STPG2: variants seen among roughly 807,000 people sequenced by gnomAD.
The protein encoded by STPG2 is sperm tail PG-rich repeat containing 2.
In STPG2, 56 loss-of-function variants were observed where a neutral mutation model predicts 54.2. That is an observed-to-expected ratio of 1.03 (90% CI 0.83 to 1.29). STPG2 has a LOEUF of 1.29. Among genes scored for constraint, STPG2 ranks in the 50% most tolerant of loss-of-function variants. The pLI, the probability that STPG2 is intolerant of heterozygous loss-of-function variation, is 0.00. For synonymous variants in STPG2, 200 were observed against 181.8 expected (o/e 1.10, Z -0.81); for missense variants, 596 against 544.9 (o/e 1.09, Z -0.93).
At chr4:97,688,383 T>C (rs533266402) in intron 10 of STPG2, among the ~76,000 whole-genome samples, 2 of 152,302 alleles carry the variant, frequency 1.3e-5, no homozygotes, top group African/African-American at 2.4e-5. Flanking sequence ...TTGTTTTGTT[T>C]TGAGACAGAG....
intron 5 of STPG2, among the ~76,000 whole-genome samples, chr4:97,993,889 G>T (rs1208240154): frequency 6.6e-6 from 1 of 152,068 alleles, no homozygotes; most frequent in Non-Finnish European, 1.5e-5. Flanking sequence ...GTTCAAAATA[G>T]CCTTGAATGA....
At chr4:98,072,623 C>CAA (rs1560666465) in intron 5 of STPG2, among the ~76,000 whole-genome samples, 2 of 147,842 alleles carry the variant, frequency 1.4e-5, no homozygotes, top group African/African-American at 5.2e-5. Flanking sequence ...TAAAACAAAA[C>CAA]AAGAGTCCAC....
At chr4:97,910,262 C>A (rs1292448596) in intron 8 of STPG2, among the ~76,000 whole-genome samples, 1 of 152,184 alleles carries the variant, frequency 6.6e-6, no homozygotes, top group Admixed American at 6.5e-5. Flanking sequence ...TAAATAACAG[C>A]AAAAGGCAGC....
intron 7 of STPG2, among the ~76,000 whole-genome samples, chr4:97,951,878 T>C (rs1173985641): frequency 6.6e-6 from 1 of 152,100 alleles, no homozygotes; most frequent in African/African-American, 2.4e-5. Flanking sequence ...ATGCAATATG[T>C]AATGGTAGGC....
In STPG2 at chr4:97,545,462, G is replaced by A. The variant is rs532573368; in HGVS notation, c.462+167237C>T. Reference sequence around the variant, plus strand: ...CATATGAATAAAAATGTTAAGCAATGAGATTGCAAAAAGATTAGCTCAGGT... The same window carrying A: ...CATATGAATAAAAATGTTAAGCAATAAGATTGCAAAAAGATTAGCTCAGGT... On this transcript the variant is annotated intron_variant, in intron 4 of 4. Transcript: ENST00000522676. Among the ~76,000 whole-genome samples the A allele has an allele frequency of 5.8e-4, 88 of 152,186 alleles. 1 individual carries two copies. Among genetic ancestry groups the A allele is most frequent in the Middle Eastern group, 3.4e-3 (1 of 294 alleles).
intron 9 of STPG2, among the ~76,000 whole-genome samples, chr4:97,835,790 A>T (rs115320730): frequency 6.9e-4 from 105 of 152,240 alleles, no homozygotes; most frequent in Non-Finnish European, 1.3e-3. Flanking sequence ...CAAAAGATGA[A>T]CACAAACAGA....
intron 9 of STPG2, among the ~76,000 whole-genome samples, chr4:97,726,641 G>A (rs1029626864): frequency 2.0e-5 from 3 of 151,894 alleles, no homozygotes; most frequent in African/African-American, 7.2e-5. Flanking sequence ...TGGTGCCACA[G>A]AAAGAAAATT....
At chr4:97,645,876 T>C (rs1721898656) in intron 10 of STPG2, among the ~76,000 whole-genome samples, 1 of 152,152 alleles carries the variant, frequency 6.6e-6, no homozygotes, top group Admixed American at 6.6e-5. Context: ...TTTTCTCACC[T>C]ATATTTAACT....
intron 5 of STPG2, among the ~76,000 whole-genome samples, chr4:98,085,520 A>T (rs758352206): frequency 6.6e-6 from 1 of 152,104 alleles, no homozygotes; most frequent in Non-Finnish European, 1.5e-5. Context: ...CAATCCATAA[A>T]CATATGGCAT....
At chr4:97,840,733 A>AT in intron 9 of STPG2, 40 bp downstream of exon 9, 2 of 1,565,332 alleles carry the variant, frequency 1.3e-6, no homozygotes, top group Non-Finnish European at 1.7e-6. Context: ...AAACCTTAGA[A>AT]TTTTTTTCCT....
chr4:97,587,892 A>AG lies in STPG2; in HGVS notation c.1321-28776dup, dbSNP rs555167346. ...TAGCTGTGGGCATCAGTGTATTTAC[A>AG]GGGATCCCTAAATAAAAATTAATTT... On this transcript the variant is annotated intron_variant, in intron 10 of 10. Transcript: ENST00000295268. 2.3e-3 allele frequency among the ~76,000 whole-genome samples: 347 copies of AG among 152,120 alleles called. 3 individuals carry two copies. In the Middle Eastern group the frequency reaches 0.034, roughly 15 times the overall value.
At chr4:97,764,159 C>G (rs772674300) in intron 9 of STPG2, among the ~76,000 whole-genome samples, 15 of 151,464 alleles carry the variant, frequency 9.9e-5, no homozygotes, top group Non-Finnish European at 2.2e-4. Context: ...CAGACAGACA[C>G]ACACACACAC....
intron 10 of STPG2, among the ~76,000 whole-genome samples, chr4:97,662,579 T>C (rs564690470): frequency 2.0e-5 from 3 of 152,222 alleles, no homozygotes; most frequent in African/African-American, 7.2e-5. Context: ...ACTGCGATGC[T>C]ATTCACAATA....
chr4:97,541,431 T>G (rs944674355), intron 4 of STPG2, among the ~76,000 whole-genome samples: 2 of 152,138 alleles, frequency 1.3e-5, no homozygotes, highest in African/African-American at 4.8e-5. Flanking sequence ...TAGGATCTGT[T>G]TAAGGAGAAC....
intron 9 of STPG2, among the ~76,000 whole-genome samples, chr4:97,754,568 G>A (rs1257646938): frequency 3.9e-5 from 6 of 152,184 alleles, no homozygotes; most frequent in African/African-American, 1.4e-4. Flanking sequence ...TTGCATGAGA[G>A]TCTGAATCCC....
At chr4:97,973,679 A>G (rs1041034293) in intron 6 of STPG2, among the ~76,000 whole-genome samples, 8 of 152,162 alleles carry the variant, frequency 5.3e-5, no homozygotes, top group South Asian at 2.1e-4. Context: ...TGCTATGTGC[A>G]TCGTAACGAC....
chr4:97,983,058 G>A (rs995821417), intron 5 of STPG2, among the ~76,000 whole-genome samples: 4 of 152,000 alleles, frequency 2.6e-5, no homozygotes, highest in African/African-American at 7.2e-5. Flanking sequence ...TGAACAACAC[G>A]GGTTTGAACA....
At chr4:97,540,530 G>T (rs191810494) in intron 4 of STPG2, among the ~76,000 whole-genome samples, 1 of 152,058 alleles carries the variant, frequency 6.6e-6, no homozygotes, top group South Asian at 2.1e-4. Context: ...ATTCACAGCC[G>T]AATTCTACCA....
intron 5 of STPG2, among the ~76,000 whole-genome samples, chr4:98,020,877 T>C (rs1424233640): frequency 6.6e-6 from 1 of 152,160 alleles, no homozygotes; most frequent in Non-Finnish European, 1.5e-5. Flanking sequence ...CCCTTTATCA[T>C]TTTTTATTGC....
Sources: gnomAD v4.1 joint callset for allele counts (sites outside exome capture counted in the v4.1 genomes callset) on GRCh38, gnomAD v4.1.1 for gene constraint, MANE v1.5 for transcripts, NCBI Gene and HGNC (gene_info 2026-07-23, HGNC 2026-07-21) for gene names.